Variants in PRSS48 observed in about 807,000 individuals in gnomAD.
PRSS48 encodes serine protease 48.
Under a neutral mutation model 25.6 loss-of-function variants are expected in PRSS48, and 21 were observed. The observed-to-expected ratio is 0.82, with a 90% CI of 0.58 to 1.18. The LOEUF is 1.18. Among genes scored for constraint, PRSS48 ranks in the 50% most tolerant of loss-of-function variants. The pLI, the probability that PRSS48 is intolerant of heterozygous loss-of-function variation, is 0.00. For synonymous variants in PRSS48, 150 were observed against 149.3 expected (o/e 1.00, Z -0.04); for missense variants, 373 against 399.3 (o/e 0.93, Z 0.56).
At chr4:151,291,493 T>C, downstream of PRSS48, 2 of 1,368,056 alleles carry the variant, frequency 1.5e-6, no homozygotes, top group South Asian at 2.7e-5. Context: ...TGACTTTATT[T>C]ACAATTTGAA....
At chr4:151,291,453 A>G (rs758300561) in exon 5 of PRSS48, 1 of 1,584,852 alleles carries the variant, frequency 6.3e-7, no homozygotes, top group South Asian at 1.1e-5. Flanking sequence ...GGGGCAGATA[A>G]CTCACAGGAG....
chr4:151,291,373 G>C, exon 5 of PRSS48: 1 of 1,614,036 alleles, frequency 6.2e-7, no homozygotes, highest in Non-Finnish European at 8.5e-7. Context: ...TATACACAGA[G>C]TAGGCACTGT....
chr4:151,281,853 G>C (rs771481151), intron 2 of PRSS48, among the ~76,000 whole-genome samples: 14 of 152,102 alleles, frequency 9.2e-5, no homozygotes, highest in Non-Finnish European at 1.9e-4. Context: ...GCATACAGGT[G>C]ATGGCTGAAA....
chr4:151,283,398 G>A, intron 4 of PRSS48, 112 bp downstream of exon 4: 1 of 836,420 alleles, frequency 1.2e-6, no homozygotes, highest in South Asian at 1.7e-5. Flanking sequence ...AGGGTTCTAA[G>A]AATAACTCTT....
At chr4:151,290,119 T>C (rs1775182449) in intron 4 of PRSS48, among the ~76,000 whole-genome samples, 1 of 151,930 alleles carries the variant, frequency 6.6e-6, no homozygotes, top group South Asian at 2.1e-4. Context: ...TATTTACTTA[T>C]TTATTTGTTT....
chr4:151,290,996 T>G, intron 4 of PRSS48, 122 bp from the exon 5 acceptor site: 1 of 675,258 alleles, frequency 1.5e-6, no homozygotes, highest in Non-Finnish European at 2.5e-6. Context: ...TCCAGCCCCC[T>G]GCAGGGTTCC....
At chr4:151,284,745 T>C (rs1319167226) in intron 4 of PRSS48, among the ~76,000 whole-genome samples, 2 of 152,188 alleles carry the variant, frequency 1.3e-5, no homozygotes, top group Non-Finnish European at 2.9e-5. Flanking sequence ...TAAAGAATGT[T>C]GATTTCCTGT....
intron 1 of PRSS48, among the ~76,000 whole-genome samples, chr4:151,278,212 A>T (rs1445716656): frequency 6.6e-6 from 1 of 152,124 alleles, no homozygotes; most frequent in Non-Finnish European, 1.5e-5. Flanking sequence ...AAACTAACAT[A>T]CTTCATATTC....
intron 3 of PRSS48, among the ~76,000 whole-genome samples, chr4:151,282,697 T>G (rs1774368007): frequency 6.6e-6 from 1 of 152,226 alleles, no homozygotes. Flanking sequence ...AAGACTGATT[T>G]AAAGTTTGGA....
exon 5 of PRSS48, chr4:151,291,268 A>G: frequency 6.2e-7 from 1 of 1,614,034 alleles, no homozygotes; most frequent in Non-Finnish European, 8.5e-7. Context: ...CACTATTTCA[A>G]GAGCCAACAA....
chr4:151,282,120 A>G (rs1312650196), intron 2 of PRSS48, 28 bp from the exon 3 acceptor site: 15 of 1,610,476 alleles, frequency 9.3e-6, no homozygotes, highest in Non-Finnish European at 1.2e-5. Context: ...TGCAGGCCAT[A>G]AGCAGGCCTC....
At chr4:151,283,966 A>ATG (rs1315381615) in intron 4 of PRSS48, among the ~76,000 whole-genome samples, 1 of 152,120 alleles carries the variant, frequency 6.6e-6, no homozygotes, top group Non-Finnish European at 1.5e-5. Flanking sequence ...ATGGAGTGTA[A>ATG]TGTGTTGTTT....
chr4:151,282,079 G>A lies in PRSS48; in HGVS notation c.216-69G>A, dbSNP rs1774290283. 3.9e-6 allele frequency: 6 copies of A among 1,530,114 alleles called. No homozygotes were observed. The Admixed American group carries it at 5.3e-5, about 13-fold the overall frequency. 94.8% of individuals were successfully genotyped at this position (1,530,114 alleles called of 1,614,324 possible). ...CTCCTTTCTTGAGTAGAGACTTAGT[G>A]CTACATATAGGCAGCCTGTTCTGAC... On this transcript the variant is annotated intron_variant, in intron 2 of 4. Coordinates refer to ENST00000455694, the Ensembl canonical transcript of PRSS48.
intron 3 of PRSS48, among the ~76,000 whole-genome samples, chr4:151,282,635 G>A (rs1286922961): frequency 6.6e-6 from 1 of 152,128 alleles, no homozygotes; most frequent in Non-Finnish European, 1.5e-5. Context: ...AGCTGGAAGA[G>A]CAGATACTAA....
At chr4:151,281,747 C>G (rs1774255779) in intron 2 of PRSS48, among the ~76,000 whole-genome samples, 1 of 151,966 alleles carries the variant, frequency 6.6e-6, no homozygotes, top group South Asian at 2.1e-4. Flanking sequence ...ATATGTGTAA[C>G]TGTGGTTATA....
exon 4 of PRSS48, chr4:151,283,121 A>C: frequency 6.2e-7 from 1 of 1,613,654 alleles, no homozygotes; most frequent in Non-Finnish European, 8.5e-7. Flanking sequence ...CCACAGATAG[A>C]GATTACCATT....
chr4:151,278,683 T>C (rs985107432), intron 1 of PRSS48, among the ~76,000 whole-genome samples: 4 of 151,902 alleles, frequency 2.6e-5, no homozygotes, highest in Admixed American at 2.6e-4. Context: ...CAGGCTGGAG[T>C]GCAGTGGCAT....
intron 4 of PRSS48, among the ~76,000 whole-genome samples, chr4:151,287,878 CTCT>C (rs1284766915): frequency 6.6e-6 from 1 of 152,100 alleles, no homozygotes; most frequent in Non-Finnish European, 1.5e-5. Context: ...AGACCCCTCT[CTCT>C]TTTTTTATTT....
Position 151,282,425 on chromosome 4 carries a change from C to A in PRSS48, c.481+12C>A, listed in dbSNP as rs1439837823. The A allele has an allele frequency of 6.2e-7, 1 of 1,613,086 alleles. No homozygotes were observed. Among genetic ancestry groups the A allele is most frequent in the Non-Finnish European group, 8.5e-7 (1 of 1,179,280 alleles). ...TAAGGAAAGTTCAGGTGAGAATGGG[C>A]AGAGAGAAGGGTTGTTTCATATGTC... On this transcript the variant is annotated intron_variant, in intron 3 of 4. Coordinates refer to ENST00000455694, the Ensembl canonical transcript of PRSS48.
Sources: allele counts gnomAD v4.1 joint callset (sites outside exome capture counted in the v4.1 genomes callset), GRCh38; gene constraint gnomAD v4.1.1; transcripts MANE v1.5; gene names NCBI Gene and HGNC (gene_info 2026-07-23, HGNC 2026-07-21).